TCEA1: variants seen among roughly 807,000 people sequenced by gnomAD.
TCEA1 encodes the protein transcription elongation factor A protein 1.
A neutral mutation model predicts 43.8 loss-of-function variants in TCEA1; 21 were observed. That is an observed-to-expected ratio of 0.48 (90% CI 0.34 to 0.69). The LOEUF (loss-of-function observed/expected upper bound fraction) is 0.69. Among genes scored for constraint, TCEA1 ranks in the 30% least tolerant of loss-of-function variants. The probability of loss-of-function intolerance (pLI) is 0.01; values close to 1 mark genes in which losing one functional copy is unlikely to be tolerated. For missense variants in TCEA1, 250 were observed against 365.1 expected (o/e 0.68, Z 2.57); for synonymous variants, 104 against 117.5 (o/e 0.88, Z 0.75).
At position 53,993,770 on chromosome 8, in the gene TCEA1, A is replaced by G. The variant is rs765018364; in HGVS notation, c.233-15T>C. 2 of 1,604,440 alleles carry G rather than the reference A, an allele frequency of 1.2e-6. No individual in the cohort carries two copies. The highest frequency in any genetic ancestry group is 1.1e-5 in the South Asian group (1 of 89,294). On this transcript the variant is annotated splice_polypyrimidine_tract_variant and intron_variant, in intron 3 of 9. Coordinates refer to ENST00000521604, the MANE Select transcript of TCEA1 (RefSeq NM_006756.4). ...TGATGGCCCATCTGAAAATTATGAAATCTCTTAAGTTGCTAGCATTTGTAA... is the reference window on the plus strand; with the variant it reads ...TGATGGCCCATCTGAAAATTATGAAGTCTCTTAAGTTGCTAGCATTTGTAA...
At chr8:53,972,713 C>A (rs2129298462) in intron 8 of TCEA1, 2 of 670,364 alleles carry the variant, frequency 3.0e-6, no homozygotes, top group East Asian at 2.9e-5. Context: ...AGGACTGGAC[C>A]TCTAGAGAAA....
At chr8:53,972,146 T>C in intron 8 of TCEA1, 1 of 296,504 alleles carries the variant, frequency 3.4e-6, no homozygotes. Flanking sequence ...GCAGTGATGG[T>C]TATGAAAACT....
At chr8:53,999,566 C>A in intron 3 of TCEA1, 1 of 186,152 alleles carries the variant, frequency 5.4e-6, no homozygotes, top group Non-Finnish European at 1.1e-5. Flanking sequence ...ACAAATATGG[C>A]AAATATTAAA....
intron 2 of TCEA1, among the ~76,000 whole-genome samples, chr8:54,003,543 C>T (rs965692129): frequency 6.6e-5 from 10 of 152,176 alleles, no homozygotes; most frequent in Admixed American, 5.9e-4. Flanking sequence ...TAAATTCCTA[C>T]ATTTTTCATC....
At chr8:54,016,554 C>T (rs942169144) in intron 1 of TCEA1, among the ~76,000 whole-genome samples, 3 of 151,984 alleles carry the variant, frequency 2.0e-5, no homozygotes, top group African/African-American at 4.8e-5. Context: ...ATAAGCAAAT[C>T]GTGGTTGGGT....
intron 7 of TCEA1, among the ~76,000 whole-genome samples, chr8:53,982,070 C>T (rs540012776): frequency 2.0e-5 from 3 of 151,998 alleles, no homozygotes; most frequent in Admixed American, 6.6e-5. Context: ...AACTGACTTT[C>T]AAGTTTTATT....
chr8:53,988,172 A>C lies in TCEA1; in HGVS notation c.408T>G (p.Thr136=), dbSNP rs1013353381. ...YVSSFPRAPS[T]SDSVRLKCRE... ...TACACTTCAACCGCACAGAATCAGAAGTGCTTGGTGCCCGAGGAAAGGATG... is the reference window on the plus strand; with the variant it reads ...TACACTTCAACCGCACAGAATCAGACGTGCTTGGTGCCCGAGGAAAGGATG... The change falls in exon 5 of 10, where the codon ACT becomes ACG. Residue 136 remains threonine (T), a synonymous_variant. Coordinates refer to ENST00000521604, the MANE Select transcript of TCEA1 (RefSeq NM_006756.4). The C allele has an allele frequency of 6.2e-7, 1 of 1,613,066 alleles. No homozygotes were observed. The highest frequency in any genetic ancestry group is 1.3e-5 in the African/African-American group (1 of 75,046).
intron 8 of TCEA1, among the ~76,000 whole-genome samples, chr8:53,978,010 T>A (rs1200489176): frequency 6.6e-6 from 1 of 152,230 alleles, no homozygotes; most frequent in Admixed American, 6.5e-5. Flanking sequence ...TATTAATTCT[T>A]ATATTTTATA....
rs766308753 is a variant in TCEA1, at chr8:53,984,518, G to A, written c.524-1C>T. Reference sequence around the variant, plus strand: ...GTATTCCTTATTTCTTGATATATAGGTACCAGGCCGTTAAGGAAAAAAGGC... The same window carrying A: ...GTATTCCTTATTTCTTGATATATAGATACCAGGCCGTTAAGGAAAAAAGGC... On this transcript the variant is annotated splice_acceptor_variant, in intron 6 of 9. Transcript: ENST00000521604. LOFTEE classifies it high-confidence loss of function. 1.3e-6 allele frequency: 2 copies of A among 1,551,674 alleles called. No homozygotes were observed. The highest frequency in any genetic ancestry group is 2.3e-5 in the East Asian group (1 of 43,634).
At chr8:53,973,137 G>A in intron 8 of TCEA1, 1 of 591,200 alleles carries the variant, frequency 1.7e-6, no homozygotes, top group South Asian at 1.5e-5. Context: ...TGATGATGAA[G>A]TCAATGTAGA....
intron 9 of TCEA1, 78 bp downstream of exon 9, chr8:53,970,314 A>G: frequency 1.1e-6 from 1 of 949,182 alleles, no homozygotes; most frequent in South Asian, 1.3e-5. Flanking sequence ...TTAGATATCT[A>G]GGCAGACCTA....
At chr8:54,002,562 A>G (rs1280791916) in intron 2 of TCEA1, among the ~76,000 whole-genome samples, 1 of 145,558 alleles carries the variant, frequency 6.9e-6, no homozygotes, top group African/African-American at 2.5e-5. Flanking sequence ...TGGGGGTACC[A>G]TGGAAAAAAT....
At chr8:54,018,284 C>A (rs943979928) in intron 1 of TCEA1, among the ~76,000 whole-genome samples, 3 of 152,034 alleles carry the variant, frequency 2.0e-5, no homozygotes, top group African/African-American at 7.3e-5. Flanking sequence ...ATAAATAAAC[C>A]TCAGCACTAC....
intron 2 of TCEA1, among the ~76,000 whole-genome samples, chr8:54,003,263 A>C (rs145730132): frequency 6.6e-5 from 10 of 152,362 alleles, no homozygotes; most frequent in African/African-American, 2.2e-4. Context: ...ATAGACCGGA[A>C]GACTTAAATG....
At chr8:53,972,193 A>C in intron 8 of TCEA1, 1 of 321,196 alleles carries the variant, frequency 3.1e-6, no homozygotes, top group Non-Finnish European at 6.1e-6. Flanking sequence ...GATGCTCTAA[A>C]GGAAGATTTA....
At chr8:54,007,991 G>A (rs1804530243) in intron 2 of TCEA1, among the ~76,000 whole-genome samples, 1 of 151,844 alleles carries the variant, frequency 6.6e-6, no homozygotes, top group South Asian at 2.1e-4. Flanking sequence ...AGACCAGCCT[G>A]GCCAACATGG....
chr8:54,017,445 A>G lies in TCEA1; in HGVS notation c.63+4618T>C, dbSNP rs754519700. ...GACGACACATTTCCACTTCATGAAC[A>G]GTAAACATATTTTCTCTCCTTTATT... On this transcript the variant is annotated intron_variant, in intron 1 of 9. Coordinates refer to ENST00000521604, the MANE Select transcript of TCEA1 (RefSeq NM_006756.4). Among the ~76,000 whole-genome samples the G allele has an allele frequency of 3.3e-5, 5 of 152,248 alleles. 1 individual carries two copies. The highest frequency in any genetic ancestry group is 5.9e-5 in the Non-Finnish European group (4 of 68,054).
intron 2 of TCEA1, among the ~76,000 whole-genome samples, chr8:54,007,199 A>C (rs942739139): frequency 3.3e-5 from 5 of 152,176 alleles, no homozygotes; most frequent in African/African-American, 1.2e-4. Flanking sequence ...AGTCTGGTGA[A>C]GCTTATGGAG....
chr8:53,992,777 T>C (rs1034303901), intron 4 of TCEA1, among the ~76,000 whole-genome samples: 3 of 152,124 alleles, frequency 2.0e-5, no homozygotes, highest in African/African-American at 7.2e-5. Context: ...ACCTACCAGC[T>C]TCCCAAGAAC....
Sources: gnomAD v4.1 joint callset for allele counts (sites outside exome capture counted in the v4.1 genomes callset) on GRCh38, gnomAD v4.1.1 for gene constraint, MANE v1.5 for transcripts, NCBI Gene and HGNC (gene_info 2026-07-23, HGNC 2026-07-21) for gene names.